NEIL2: variants seen among roughly 807,000 people sequenced by gnomAD.
The protein encoded by NEIL2 is nei like DNA glycosylase 2, also known as endonuclease 8-like 2.
Under a neutral mutation model 22.2 loss-of-function variants are expected in NEIL2, and 23 were observed. The observed-to-expected ratio is 1.04, with a 90% CI of 0.75 to 1.47. The LOEUF (loss-of-function observed/expected upper bound fraction) is 1.47. Ranked by LOEUF, NEIL2 falls within the 40% of genes most tolerant of loss-of-function variation. The pLI, the probability that NEIL2 is intolerant of heterozygous loss-of-function variation, is 0.00. For missense variants in NEIL2, 583 were observed against 404.7 expected (o/e 1.44, Z -3.78); for synonymous variants, 229 against 164.8 (o/e 1.39, Z -2.99).
chr8:11,773,800 G>T (rs1803676059), intron 2 of NEIL2, among the ~76,000 whole-genome samples: 1 of 152,086 alleles, frequency 6.6e-6, no homozygotes, highest in Non-Finnish European at 1.5e-5. Flanking sequence ...AGTTGTGTTG[G>T]ATTACTCATA....
chr8:11,770,267 G>C lies in NEIL2; in HGVS notation c.-71G>C, dbSNP rs1409945244. ...CGTGTCCGGAGATTTTCAGGACTTGGTGCATTTCAGATGAAGGCTTTTCCA... is the reference window on the plus strand; with the variant it reads ...CGTGTCCGGAGATTTTCAGGACTTGCTGCATTTCAGATGAAGGCTTTTCCA... On this transcript the variant is annotated 5_prime_UTR_variant, in exon 1 of 5. Transcript: ENST00000284503. 5.3e-5 allele frequency: 8 copies of C among 152,202 alleles called. No homozygotes were observed. The highest frequency in any genetic ancestry group is 1.2e-4 in the African/African-American group (5 of 41,430). The allele number at this position is 152,202 out of a possible 1,614,324, so 9.4% of individuals were successfully genotyped here.
chr8:11,776,967 G>C (rs775765114), intron 2 of NEIL2, among the ~76,000 whole-genome samples: 2 of 152,138 alleles, frequency 1.3e-5, no homozygotes, highest in Admixed American at 6.5e-5. Flanking sequence ...TGGCTGCTGT[G>C]TCTGACCAGG....
intron 2 of NEIL2, among the ~76,000 whole-genome samples, chr8:11,776,618 G>A (rs1803925419): frequency 6.6e-6 from 1 of 152,200 alleles, no homozygotes. Context: ...CTTCTGTAGT[G>A]TTTTCCAAGG....
chr8:11,782,763 A>C (rs1804537580), intron 3 of NEIL2: 1 of 277,648 alleles, frequency 3.6e-6, no homozygotes, highest in South Asian at 4.1e-5. Context: ...GTGTGCTCTG[A>C]CTACGTTGTG....
Position 11,779,841 on chromosome 8 carries a change from G to C in NEIL2, c.382G>C (p.Gly128Arg). Residue 128 changes from glycine (G) to arginine (R), a missense_variant, in exon 3 of 5, where the codon GGG (glycine) becomes CGG (arginine). Physicochemically the swap from Gly to Arg is moderately radical, Grantham distance 125. Transcript: ENST00000284503. ...GAGAGACGCCCCTGCAGGAGATGCT[G>C]GGAGGTGGCTGCGTGTCAGCTTTGG... is the stretch of plus-strand genomic sequence containing the variant. ...LERDAPAGDA[G>R]RWLRVSFGLF... The C allele has an allele frequency of 6.2e-7, 1 of 1,614,182 alleles. No individual in the cohort carries two copies. Among genetic ancestry groups the C allele is most frequent in the Non-Finnish European group, 8.5e-7 (1 of 1,180,034 alleles).
At chr8:11,783,513 A>T in intron 4 of NEIL2, 114 bp downstream of exon 4, 1 of 836,894 alleles carries the variant, frequency 1.2e-6, no homozygotes, top group Admixed American at 1.8e-5. Context: ...GTTGGTTTTG[A>T]GGTGCCACTT....
intron 2 of NEIL2, among the ~76,000 whole-genome samples, chr8:11,773,404 G>A (rs1313371657): frequency 1.3e-5 from 2 of 152,160 alleles, no homozygotes; most frequent in African/African-American, 2.4e-5. Context: ...TCTCCCTGTC[G>A]GCGGGTCCCT....
At chr8:11,773,647 G>T (rs888142468) in intron 2 of NEIL2, among the ~76,000 whole-genome samples, 1 of 152,164 alleles carries the variant, frequency 6.6e-6, no homozygotes, top group Non-Finnish European at 1.5e-5. Flanking sequence ...GGCATTTCAG[G>T]CTTGAGAAGC....
chr8:11,778,799 A>G (rs1804132758), intron 2 of NEIL2, among the ~76,000 whole-genome samples: 3 of 152,004 alleles, frequency 2.0e-5, no homozygotes, highest in Admixed American at 6.6e-5. Flanking sequence ...TAAATATACA[A>G]AAATTAGCTG....
At chr8:11,785,319 C>A (rs537064443) in intron 4 of NEIL2, among the ~76,000 whole-genome samples, 100 of 152,206 alleles carry the variant, frequency 6.6e-4, no homozygotes, top group Non-Finnish European at 1.0e-3. Context: ...CCTCAGCCAC[C>A]TGAGTAGCTG....
intron 2 of NEIL2, among the ~76,000 whole-genome samples, chr8:11,778,290 G>GTTTTTTTTTTTTTT (rs34908835): frequency 7.7e-6 from 1 of 130,302 alleles, no homozygotes; most frequent in Non-Finnish European, 1.6e-5. Context: ...TCCTTGCTCA[G>GTTTTTTTTTTTTTT]TTTTTTTTTT....
rs900723318 is a variant in NEIL2, at chr8:11,770,016, G to A, written c.-322G>A. ...AGTGGTCTTAGACCCCCCACCTCGGGCACTCGGAAGAGAACGGCGGAGACA... is the reference window on the plus strand; with the variant it reads ...AGTGGTCTTAGACCCCCCACCTCGGACACTCGGAAGAGAACGGCGGAGACA... On this transcript the variant is annotated 5_prime_UTR_variant, in exon 1 of 5. Transcript: ENST00000284503. The A allele has an allele frequency of 1.3e-5, 2 of 152,166 alleles. No individual in the cohort carries two copies. Among genetic ancestry groups the A allele is most frequent in the African/African-American group, 4.8e-5 (2 of 41,428 alleles). The allele number at this position is 152,166 out of a possible 1,614,324, so 9.4% of individuals were successfully genotyped here.
rs1242272729 is a variant in NEIL2, at chr8:11,786,213, G to A, written c.939G>A (p.Trp313Ter). 13 of 1,613,222 alleles carry A rather than the reference G, an allele frequency of 8.1e-6. No individual in the cohort carries two copies. Among genetic ancestry groups the A allele is most frequent in the South Asian group, 1.1e-5 (1 of 91,056 alleles). Residue 313 changes from tryptophan to a stop codon, truncating the protein, a stop_gained, in exon 5 of 5, where the codon TGG (tryptophan) becomes TGA (stop). Coordinates refer to ENST00000284503, the MANE Select transcript of NEIL2 (RefSeq NM_145043.4). LOFTEE classifies it high-confidence loss of function. Reference sequence around the variant, plus strand: ...AAGATGGGTTACAGAGGCTCACCTGGTGGTGCCCGCAGTGCCAGCCCCAGT... The same window carrying A: ...AAGATGGGTTACAGAGGCTCACCTGATGGTGCCCGCAGTGCCAGCCCCAGT... ...GPEDGLQRLT[W>*]WCPQCQPQLS...
At chr8:11,781,923 G>T (rs575105795) in intron 3 of NEIL2, among the ~76,000 whole-genome samples, 3 of 151,978 alleles carry the variant, frequency 2.0e-5, no homozygotes, top group African/African-American at 2.4e-5. Context: ...AATTAACCGG[G>T]TGTGGGGGTG....
rs1305724836 is a variant in NEIL2, at chr8:11,770,233, A to C, written c.-105A>C. 6.6e-6 allele frequency: 1 copy of C among 152,094 alleles called. No individual in the cohort carries two copies. Among genetic ancestry groups the C allele is most frequent in the East Asian group, 1.9e-4 (1 of 5,190 alleles). 9.4% of individuals were successfully genotyped at this position (152,094 alleles called of 1,614,324 possible). A position where few individuals can be genotyped will look rare whatever the true frequency, so the allele number is the denominator to read the frequency against. ...ATCTCCATAAAAATCCCTAAACGAA[A>C]CATGCCCACGTGTCCGGAGATTTTC... On this transcript the variant is annotated 5_prime_UTR_variant, in exon 1 of 5. Coordinates refer to ENST00000284503, the MANE Select transcript of NEIL2 (RefSeq NM_145043.4).
chr8:11,770,290 C>T lies in NEIL2; in HGVS notation c.-48C>T, dbSNP rs1479929245. 1 of 152,188 alleles carries T rather than the reference C, an allele frequency of 6.6e-6. No homozygotes were observed. The highest frequency in any genetic ancestry group is 1.5e-5 in the Non-Finnish European group (1 of 68,044). 9.4% of individuals were successfully genotyped at this position (152,188 alleles called of 1,614,324 possible). On this transcript the variant is annotated 5_prime_UTR_variant, in exon 1 of 5. Transcript: ENST00000284503. ...TGGTGCATTTCAGATGAAGGCTTTTCCAGAAGCTTCCCCGTAGAAGAGGAT... is the reference window on the plus strand; with the variant it reads ...TGGTGCATTTCAGATGAAGGCTTTTTCAGAAGCTTCCCCGTAGAAGAGGAT...
At position 11,786,628 on chromosome 8, in the gene NEIL2, G is replaced by GCTTTTT. The variant is rs1554508759; in HGVS notation, c.*355_*356insCTTTTT. ...CAACATAGCTTTGCAGATGATGTGG[G>GCTTTTT]TTTTTTTTTTTTTTTTGGTTGTTTG... On this transcript the variant is annotated 3_prime_UTR_variant, in exon 5 of 5. Coordinates refer to ENST00000284503, the MANE Select transcript of NEIL2 (RefSeq NM_145043.4). 14 of 214,460 alleles carry GCTTTTT rather than the reference G, an allele frequency of 6.5e-5. No individual in the cohort carries two copies. Among genetic ancestry groups the GCTTTTT allele is most frequent in the Non-Finnish European group, 5.4e-5 (6 of 110,858 alleles). 13.3% of individuals were successfully genotyped at this position (214,460 alleles called of 1,614,324 possible). A position where few individuals can be genotyped will look rare whatever the true frequency, so the allele number is the denominator to read the frequency against.
Position 11,786,186 on chromosome 8 carries a change from C to A in NEIL2, c.912C>A (p.Pro304=). 1.2e-6 allele frequency: 2 copies of A among 1,613,730 alleles called. No homozygotes were observed. The highest frequency in any genetic ancestry group is 1.7e-6 in the Non-Finnish European group (2 of 1,180,002). The part of the protein sequence containing the change: ...GHQVMKEAFG[P]EDGLQRLTWW... ...AGGTCATGAAGGAGGCGTTTGGGCC[C>A]GAAGATGGGTTACAGAGGCTCACCT... Residue 304 remains proline (P), a synonymous_variant, in exon 5 of 5, where the codon CCC becomes CCA. Coordinates refer to ENST00000284503, the MANE Select transcript of NEIL2 (RefSeq NM_145043.4).
intron 1 of NEIL2, 121 bp from the exon 2 acceptor site, chr8:11,771,325 G>T: frequency 7.8e-7 from 1 of 1,274,308 alleles, no homozygotes. Context: ...TTTTGGCCAT[G>T]CTTGCTCTTA....
Sources: gnomAD v4.1 joint callset for allele counts (sites outside exome capture counted in the v4.1 genomes callset) on GRCh38, gnomAD v4.1.1 for gene constraint, MANE v1.5 for transcripts, NCBI Gene and HGNC (gene_info 2026-07-23, HGNC 2026-07-21) for gene names.